NALCN: variants seen among roughly 807,000 people sequenced by gnomAD.
NALCN encodes sodium leak channel, non-selective.
A neutral mutation model predicts 225.3 loss-of-function variants in NALCN; 111 were observed. The observed-to-expected ratio is 0.49, with a 90% CI of 0.42 to 0.58. The LOEUF is 0.58. NALCN is among the 20% of genes least tolerant of loss of function. The probability of loss-of-function intolerance (pLI) is 0.00; values close to 1 mark genes in which losing one functional copy is unlikely to be tolerated. For missense variants in NALCN, 1,378 were observed against 2,202.4 expected (o/e 0.63, Z 7.49); for synonymous variants, 764 against 769.0 (o/e 0.99, Z 0.11).
intron 11 of NALCN, among the ~76,000 whole-genome samples, chr13:101,255,075 C>T (rs918914638): frequency 6.6e-6 from 1 of 151,968 alleles, no homozygotes; most frequent in Non-Finnish European, 1.5e-5. Flanking sequence ...TGTCAGGGGA[C>T]AACAATTATT....
intron 2 of NALCN, 89 bp from the exon 3 acceptor site, chr13:101,395,454 C>T (rs2047264226): frequency 2.3e-6 from 3 of 1,297,370 alleles, no homozygotes; most frequent in Admixed American, 2.3e-5. Flanking sequence ...AAACATAATA[C>T]TGAGGTTAAA....
chr13:101,177,978 A>T (rs1037273584), intron 14 of NALCN, among the ~76,000 whole-genome samples: 2 of 152,202 alleles, frequency 1.3e-5, no homozygotes, highest in Non-Finnish European at 2.9e-5. Context: ...TCTTACCATA[A>T]CTTGAAGAAG....
chr13:101,121,184 G>A (rs1006103713), intron 18 of NALCN, among the ~76,000 whole-genome samples: 3 of 151,984 alleles, frequency 2.0e-5, no homozygotes, highest in African/African-American at 7.2e-5. Flanking sequence ...ACCAAGTCCA[G>A]TATCCTACAT....
Position 101,083,076 on chromosome 13 carries a change from G to A in NALCN, c.3690+16C>T. 2.5e-6 allele frequency: 4 copies of A among 1,611,180 alleles called. No individual in the cohort carries two copies. The highest frequency in any genetic ancestry group is 3.4e-6 in the Non-Finnish European group (4 of 1,177,456). ...TACAAAATTCATTCCCGGAGTCTTA[G>A]GGTGAAACGAAGTACCTTGACAGAG... On this transcript the variant is annotated intron_variant, in intron 32 of 43. Coordinates refer to ENST00000251127, the MANE Select transcript of NALCN (RefSeq NM_052867.4).
In NALCN at chr13:101,104,543, G is replaced by A; in HGVS notation, c.2744C>T (p.Ala915Val). Reference protein sequence around the residue: ...FESPFRRVMHAPTLQIAEYVF... With the variant: ...FESPFRRVMHVPTLQIAEYVF... The stretch of plus-strand genomic sequence containing the variant: ...GGTAAGCGGTACCTGCAAAGTAGGT[G>A]CATGCATGACTCTTCGAAACGGGGA... The change falls in exon 24 of 44, where the codon GCA (alanine) becomes GTA (valine). Residue 915 changes from alanine (A) to valine (V), a missense_variant. By Grantham distance (64) the Ala-to-Val change is moderately conservative. Coordinates refer to ENST00000251127, the MANE Select transcript of NALCN (RefSeq NM_052867.4). This position sits in a 1 kb window ranked among gnomAD's most constrained non-coding sequence, Gnocchi z 4.2. 1.2e-6 allele frequency: 2 copies of A among 1,614,004 alleles called. No individual in the cohort carries two copies. Among genetic ancestry groups the A allele is most frequent in the Non-Finnish European group, 1.7e-6 (2 of 1,179,900 alleles).
intron 9 of NALCN, among the ~76,000 whole-genome samples, chr13:101,286,299 G>C (rs1169916960): frequency 1.3e-5 from 2 of 152,128 alleles, no homozygotes; most frequent in African/African-American, 4.8e-5. Flanking sequence ...AGGCTACCAA[G>C]AAAAAAGGCC....
In NALCN at chr13:101,074,720, C is replaced by CAGAGAG. The variant is rs71200721; in HGVS notation, c.3955-64_3955-59dup. 4.0e-5 allele frequency: 54 copies of CAGAGAG among 1,343,750 alleles called. 1 individual carries two copies. The highest frequency in any genetic ancestry group is 3.3e-4 in the Admixed American group (13 of 38,888). 83.2% of individuals were successfully genotyped at this position (1,343,750 alleles called of 1,614,324 possible). A position where few individuals can be genotyped will look rare whatever the true frequency, so the allele number is the denominator to read the frequency against. On this transcript the variant is annotated intron_variant, in intron 35 of 43. Transcript: ENST00000251127. ...AGAGAGAGAGAGAGAGAGACAGAGA[C>CAGAGAG]AGAGAGAGAGAGAGAGAGAGAGAAT...
At position 101,057,965 on chromosome 13, in the gene NALCN, T is replaced by G. The variant is rs1289587436; in HGVS notation, c.4997A>C (p.Lys1666Thr). The G allele has an allele frequency of 3.1e-6, 5 of 1,613,918 alleles. No individual in the cohort carries two copies. The Admixed American group carries it at 8.3e-5, about 27-fold the overall frequency. ...DAADAGKPQRKFGQWRLPSAP... is the reference protein window; with the variant it reads ...DAADAGKPQRTFGQWRLPSAP... ...TGAGGGCAGACGCCACTGCCCAAAT[T>G]TCCTCTGGGGTTTCCCTGCGTCGGC... Residue 1666 changes from lysine to threonine, a missense_variant, in exon 43 of 44, where the codon AAA becomes ACA. Lys to Thr is a moderately conservative substitution (Grantham distance 78, BLOSUM62 -1). Transcript: ENST00000251127.
At chr13:101,227,996 G>A (rs533040915) in intron 13 of NALCN, among the ~76,000 whole-genome samples, 3 of 152,042 alleles carry the variant, frequency 2.0e-5, no homozygotes, top group East Asian at 1.9e-4. Flanking sequence ...CCTGGGAATC[G>A]GCCTTGCCTC....
Position 101,191,923 on chromosome 13 carries a change from G to A in NALCN, c.1758C>T (p.Ala586=), listed in dbSNP as rs368800753. 1 of 1,608,398 alleles carries A rather than the reference G, an allele frequency of 6.2e-7. No homozygotes were observed. ...AIYFILYHLF[A]TLILLSLFVA... is the part of the protein sequence containing the mutation. Reference sequence around the variant, plus strand: ...AAAAAAATGCTGAACTCACCAGAGTGGCAAAAAGATGATAGAGAATGAAAT... The same window carrying A: ...AAAAAAATGCTGAACTCACCAGAGTAGCAAAAAGATGATAGAGAATGAAAT... Residue 586 remains alanine, a synonymous_variant, in exon 14 of 44, where the codon GCC becomes GCT. Transcript: ENST00000251127.
chr13:101,281,275 G>A (rs2043159198), intron 10 of NALCN, among the ~76,000 whole-genome samples: 2 of 152,140 alleles, frequency 1.3e-5, no homozygotes, highest in South Asian at 4.1e-4. Flanking sequence ...CATCACTCTT[G>A]TGATTGCTAG....
chr13:101,148,710 G>A (rs8000980), intron 15 of NALCN, among the ~76,000 whole-genome samples: 2 of 152,042 alleles, frequency 1.3e-5, no homozygotes, highest in Non-Finnish European at 2.9e-5. Flanking sequence ...AAGGTGAGCT[G>A]AGCAAATATT....
chr13:101,359,156 G>A (rs1056026543), intron 6 of NALCN, among the ~76,000 whole-genome samples: 3 of 152,108 alleles, frequency 2.0e-5, no homozygotes, highest in Non-Finnish European at 2.9e-5. Flanking sequence ...TAGCAAACCT[G>A]CACATTCTGC....
chr13:101,252,333 A>G (rs1317854625), intron 11 of NALCN, among the ~76,000 whole-genome samples: 1 of 152,222 alleles, frequency 6.6e-6, no homozygotes, highest in Non-Finnish European at 1.5e-5. Context: ...AAATCTTTGC[A>G]GAGAAACTCT....
intron 15 of NALCN, among the ~76,000 whole-genome samples, chr13:101,154,850 G>A (rs565838658): frequency 5.9e-5 from 9 of 152,282 alleles, no homozygotes; most frequent in Admixed American, 1.3e-4. Flanking sequence ...TATATTACTG[G>A]CAAAGATGAA....
chr13:101,096,776 G>C (rs1272112381), intron 27 of NALCN, among the ~76,000 whole-genome samples: 1 of 152,116 alleles, frequency 6.6e-6, no homozygotes, highest in African/African-American at 2.4e-5. Flanking sequence ...ACATCTATAG[G>C]AAGTTTTTGA....
chr13:101,183,437 G>C (rs866786406), intron 14 of NALCN, among the ~76,000 whole-genome samples: 1 of 152,084 alleles, frequency 6.6e-6, no homozygotes, highest in Non-Finnish European at 1.5e-5. Flanking sequence ...TTAATATTTA[G>C]ATTTATGTGA....
chr13:101,387,242 A>AT (rs1237044804), intron 3 of NALCN, among the ~76,000 whole-genome samples: 14 of 149,708 alleles, frequency 9.4e-5, no homozygotes, highest in African/African-American at 3.0e-4. Flanking sequence ...AAAAAAAAAA[A>AT]AAAAAAAAAA....
intron 3 of NALCN, among the ~76,000 whole-genome samples, chr13:101,385,825 A>G (rs955237674): frequency 4.6e-5 from 7 of 152,100 alleles, no homozygotes; most frequent in South Asian, 4.1e-4. Flanking sequence ...AACACACCCT[A>G]CCCTGCTCCA....
Sources: allele counts gnomAD v4.1 joint callset (sites outside exome capture counted in the v4.1 genomes callset), GRCh38; gene constraint gnomAD v4.1.1; non-coding constraint Gnocchi (gnomAD v3.1); transcripts MANE v1.5; gene names NCBI Gene and HGNC (gene_info 2026-07-23, HGNC 2026-07-21).